The following WAS variants were observed in gnomAD, a reference collection of about 807,000 sequenced individuals.
WAS encodes the protein actin nucleation-promoting factor WAS.
Under a neutral mutation model 38.9 loss-of-function variants are expected in WAS, and 1 was observed. The observed-to-expected ratio is 0.03, with a 90% CI of 0.01 to 0.12. The LOEUF (loss-of-function observed/expected upper bound fraction) is 0.12. WAS is among the 10% of genes least tolerant of loss of function. The probability of loss-of-function intolerance (pLI) is 1.00; values close to 1 mark genes in which losing one functional copy is unlikely to be tolerated. For missense variants in WAS, 311 were observed against 431.2 expected (o/e 0.72, Z 2.47); for synonymous variants, 182 against 173.6 (o/e 1.05, Z -0.38).
Position 48,685,547 on chromosome X carries a change from G to A in WAS, c.274G>A (p.Ala92Thr). Residue 92 changes from alanine (A) to threonine (T), a missense_variant and splice_region_variant, in exon 3 of 12, where the codon GCT (alanine) becomes ACT (threonine). Ala to Thr is a moderately conservative substitution (Grantham distance 58). Transcript: ENST00000376701. ...TGCCTCCCACCCTACACCTCTCCAG[G>A]CTGGTCGGCTGCTCTGGGAACAGGA... ...SYFIRLYGLQAGRLLWEQELY... is the reference protein window; with the variant it reads ...SYFIRLYGLQTGRLLWEQELY... The A allele has an allele frequency of 8.4e-7, 1 of 1,192,570 alleles. No individual in the cohort carries two copies. The highest frequency in any genetic ancestry group is 1.8e-5 in the South Asian group (1 of 54,128).
Position 48,684,318 on chromosome X carries a change from G to A in WAS, c.168G>A (p.Ala56=), listed in dbSNP as rs962432903. The change falls in exon 2 of 12, where the codon GCG becomes GCA. Residue 56 remains alanine (A), a synonymous_variant. Transcript: ENST00000376701. ...LATAVVQLYL[A]LPPGAEHWTK... ...CTGCAGTTGTTCAGCTGTACCTGGC[G>A]CTGCCCCCTGGAGCTGAGCACTGGA... 4.1e-6 allele frequency: 5 copies of A among 1,211,540 alleles called. No homozygotes were observed. Among genetic ancestry groups the A allele is most frequent in the Non-Finnish European group, 5.6e-6 (5 of 895,474 alleles).
chrX:48,682,592 C>T (rs782105907), upstream of WAS, among the ~76,000 whole-genome samples: 2 of 112,018 alleles, frequency 1.8e-5, no homozygotes, highest in Admixed American at 9.5e-5. Context: ...ATATAAAGTT[C>T]CTTTCTTTAA....
At chrX:48,685,489 GC>G in intron 2 of WAS, 57 bp from the exon 3 acceptor site, 1 of 957,368 alleles carries the variant, frequency 1.0e-6, no homozygotes, top group South Asian at 2.1e-5. Flanking sequence ...GCTAACAAAA[GC>G]CTGCCACCCC....
Position 48,688,066 on chromosome X carries a change from C to T in WAS, c.747C>T (p.His249=), listed in dbSNP as rs781809829. Reference sequence around the variant, plus strand: ...TCACCTCTCCCAGGCATGTCAGCCACGTGGGGTGGGACCCCCAGAATGGAT... The same window carrying T: ...TCACCTCTCCCAGGCATGTCAGCCATGTGGGGTGGGACCCCCAGAATGGAT... ...GAPSGFKHVS[H]VGWDPQNGFD... is the part of the protein sequence containing the mutation. The change falls in exon 8 of 12, where the codon CAC becomes CAT. Residue 249 remains histidine (H), a synonymous_variant. Transcript: ENST00000376701. The T allele has an allele frequency of 1.0e-5, 12 of 1,205,570 alleles. No homozygotes were observed. The highest frequency in any genetic ancestry group is 1.8e-5 in the South Asian group (1 of 55,939).
upstream of WAS, among the ~76,000 whole-genome samples, chrX:48,682,710 T>G (rs2062404840): frequency 9.1e-6 from 1 of 109,917 alleles, no homozygotes; most frequent in Non-Finnish European, 1.9e-5. Flanking sequence ...CTGGCCAACA[T>G]GGTGAAACCC....
rs1160009787 is a variant in WAS, at chrX:48,688,839, C to A, written c.1111C>A (p.Pro371Thr). Residue 371 changes from proline (P) to threonine (T), a missense_variant, in exon 10 of 12, where the codon CCC (proline) becomes ACC (threonine). Pro to Thr is a conservative substitution (Grantham distance 38). This residue lies in a region of WAS where 142 missense variants were observed against 157.6 expected (regional missense o/e 0.90). Transcript: ENST00000376701. ...PPGRGGPPPP[P>T]PPATGRSGPL... ...AGGCCGAGGGGGCCCTCCACCACCA[C>A]CCCCTCCAGCTACTGGACGTTCTGG... The A allele has an allele frequency of 2.6e-6, 3 of 1,137,895 alleles. No individual in the cohort carries two copies. The highest frequency in any genetic ancestry group is 2.1e-5 in the South Asian group (1 of 48,750). 93.8% of individuals were successfully genotyped at this position (1,137,895 alleles called of 1,213,427 possible).
chrX:48,688,724 G>C lies in WAS; in HGVS notation c.996G>C (p.Val332=), dbSNP rs782578703. 7 of 1,175,643 alleles carry C rather than the reference G, an allele frequency of 6.0e-6. No homozygotes were observed. The African/African-American group carries it at 9.0e-5, about 15-fold the overall frequency. The part of the protein sequence containing the change: ...GGNQLPRPPI[V]GGNKGRSGPL... The stretch of plus-strand genomic sequence containing the variant: ...ACCAGCTCCCCCGGCCCCCTATTGT[G>C]GGGGGTAACAAGGGTCGTTCTGGTC... Residue 332 remains valine (V), a synonymous_variant, in exon 10 of 12, where the codon GTG becomes GTC. Coordinates refer to ENST00000376701, the MANE Select transcript of WAS (RefSeq NM_000377.3).
intron 1 of WAS, among the ~76,000 whole-genome samples, chrX:48,677,030 G>A (rs2062392441): frequency 8.9e-6 from 1 of 112,316 alleles, no homozygotes; most frequent in African/African-American, 3.2e-5. Context: ...GGGAGTTGGT[G>A]GTGGCTGAGG....
chrX:48,677,949 G>A (rs782476651), intron 1 of WAS, among the ~76,000 whole-genome samples: 9 of 111,893 alleles, frequency 8.0e-5, no homozygotes, highest in Non-Finnish European at 1.7e-4. Flanking sequence ...TGGGGATACC[G>A]CACTGAACCA....
chrX:48,684,482 CTGTGTCCATA>C, intron 2 of WAS, 59 bp downstream of exon 2: 4 of 1,168,876 alleles, frequency 3.4e-6, no homozygotes, highest in Non-Finnish European at 3.5e-6. Flanking sequence ...AAACCCAGAT[CTGTGTCCATA>C]TGTGTCCATA....
chrX:48,689,247 T>C (rs1427409856), intron 10 of WAS, 73 bp from the exon 11 acceptor site: 8 of 1,010,201 alleles, frequency 7.9e-6, no homozygotes, highest in East Asian at 6.6e-5. Flanking sequence ...AGAGAAAATA[T>C]TGATGGAGGG....
chrX:48,686,515 A>G (rs149422306), intron 6 of WAS, among the ~76,000 whole-genome samples: 160 of 112,931 alleles, frequency 1.4e-3, no homozygotes, highest in African/African-American at 5.0e-3. Flanking sequence ...ATAAATGAGT[A>G]AATGAATATT....
At chrX:48,688,538 G>A in intron 9 of WAS, 85 bp downstream of exon 9, 1 of 1,195,465 alleles carries the variant, frequency 8.4e-7, no homozygotes, top group Non-Finnish European at 1.1e-6. Flanking sequence ...GTCCTTATGG[G>A]AGCACCTATA....
chrX:48,680,499 T>C (rs1159785208), upstream of WAS, among the ~76,000 whole-genome samples: 1 of 111,227 alleles, frequency 9.0e-6, no homozygotes, highest in Non-Finnish European at 1.9e-5. Context: ...ATAAAACAGG[T>C]TGCAGTAAAG....
intron 11 of WAS, among the ~76,000 whole-genome samples, chrX:48,690,130 A>T (rs1569494179): frequency 8.9e-6 from 1 of 111,874 alleles, no homozygotes; most frequent in African/African-American, 3.2e-5. Context: ...CTAATCTTTT[A>T]AAAAATTTTT....
Position 48,688,473 on chromosome X carries a change from C to T in WAS, c.931+20C>T, listed in dbSNP as rs782462041. Reference sequence around the variant, plus strand: ...GCCAGGGTGAGACCCTGCTTCCATACGCTCCCTTCTCTAGCCCAAGCAGCT... The same window carrying T: ...GCCAGGGTGAGACCCTGCTTCCATATGCTCCCTTCTCTAGCCCAAGCAGCT... On this transcript the variant is annotated intron_variant, in intron 9 of 11. Coordinates refer to ENST00000376701, the MANE Select transcript of WAS (RefSeq NM_000377.3). The T allele has an allele frequency of 1.6e-5, 19 of 1,208,286 alleles. No individual in the cohort carries two copies. Among genetic ancestry groups the T allele is most frequent in the East Asian group, 1.5e-4 (5 of 33,727 alleles).
chrX:48,684,216 G>C, intron 1 of WAS, 67 bp from the exon 2 acceptor site: 1 of 1,205,010 alleles, frequency 8.3e-7, no homozygotes, highest in Non-Finnish European at 1.1e-6. Flanking sequence ...GGAAGGACCA[G>C]GTCTGGCTCC....
chrX:48,677,005 G>C (rs782583617), intron 1 of WAS, among the ~76,000 whole-genome samples: 43 of 112,536 alleles, frequency 3.8e-4, no homozygotes, highest in Non-Finnish European at 6.2e-4. Flanking sequence ...GGAAGGTAGG[G>C]CGCGCCCGCC....
At chrX:48,683,644 G>T (rs2062409164), upstream of WAS, 3 of 488,334 alleles carry the variant, frequency 6.1e-6, no homozygotes, top group South Asian at 1.0e-4. Flanking sequence ...GGTCTAAGCA[G>T]TCAAGTGGAG....
Sources: gnomAD v4.1 joint callset for allele counts (sites outside exome capture counted in the v4.1 genomes callset) on GRCh38, gnomAD v4.1.1 for gene constraint, gnomAD v4.1.1 regional missense constraint, MANE v1.5 for transcripts, NCBI Gene and HGNC (gene_info 2026-07-23, HGNC 2026-07-21) for gene names.